OPCML: variants seen among roughly 807,000 people sequenced by gnomAD.
OPCML encodes opioid binding protein/cell adhesion molecule like.
A neutral mutation model predicts 37.8 loss-of-function variants in OPCML; 13 were observed. The ratio of observed to expected loss-of-function variants is 0.34; its 90% confidence interval spans 0.22 to 0.55. The LOEUF is 0.55. OPCML is among the 20% of genes least tolerant of loss of function. The pLI, the probability that OPCML is intolerant of heterozygous loss-of-function variation, is 0.91. For missense variants in OPCML, 341 were observed against 435.6 expected, an observed-to-expected ratio of 0.78 and a Z score of 1.93; for synonymous variants, 176 against 168.8, an observed-to-expected ratio of 1.04 and a Z score of -0.33.
intron 3 of OPCML, among the ~76,000 whole-genome samples, chr11:132,627,543 G>A (rs1295613388): frequency 2.6e-5 from 4 of 151,100 alleles, no homozygotes; most frequent in African/African-American, 9.8e-5. Flanking sequence ...ATGCTGAGAT[G>A]CAGTTGTGTT....
intron 1 of OPCML, among the ~76,000 whole-genome samples, chr11:133,273,105 G>T (rs564020831): frequency 2.7e-4 from 41 of 152,170 alleles, no homozygotes; most frequent in Non-Finnish European, 5.4e-4. Context: ...GCACCAGATA[G>T]CAGCCACCCA....
At chr11:133,287,561 A>G (rs987601485) in intron 1 of OPCML, among the ~76,000 whole-genome samples, 4 of 151,182 alleles carry the variant, frequency 2.6e-5, no homozygotes, top group Non-Finnish European at 5.9e-5. Flanking sequence ...AAAAAGACCA[A>G]CAAATAAACA....
chr11:132,737,028 T>TG (rs1207056415), intron 2 of OPCML, among the ~76,000 whole-genome samples: 1 of 152,216 alleles, frequency 6.6e-6, no homozygotes, highest in Non-Finnish European at 1.5e-5. Context: ...TTTTGTTCCT[T>TG]GGAGATGAAG....
intron 1 of OPCML, among the ~76,000 whole-genome samples, chr11:133,098,278 C>T (rs1299914103): frequency 1.3e-5 from 2 of 149,416 alleles, no homozygotes; most frequent in Non-Finnish European, 3.0e-5. Flanking sequence ...TGCAGTGGCA[C>T]GATCTTGGCT....
chr11:132,664,872 G>A (rs534092446), intron 2 of OPCML, among the ~76,000 whole-genome samples: 2 of 152,330 alleles, frequency 1.3e-5, no homozygotes, highest in South Asian at 4.1e-4. Context: ...TATTGGTTGA[G>A]AATGTATCTG....
chr11:133,469,355 G>A (rs1156916103), intron 1 of OPCML, among the ~76,000 whole-genome samples: 1 of 152,176 alleles, frequency 6.6e-6, no homozygotes, highest in East Asian at 1.9e-4. Flanking sequence ...GTGACATGCT[G>A]TGCAGCTGTG....
chr11:132,659,053 A>T (rs1293389860), intron 2 of OPCML, among the ~76,000 whole-genome samples: 1 of 152,210 alleles, frequency 6.6e-6, no homozygotes, highest in Non-Finnish European at 1.5e-5. Context: ...ATTCACCAGT[A>T]GGACCTGATA....
chr11:132,570,265 T>C (rs2096434206), intron 3 of OPCML, among the ~76,000 whole-genome samples: 1 of 152,314 alleles, frequency 6.6e-6, no homozygotes, highest in East Asian at 1.9e-4. Flanking sequence ...TGAATAGCTG[T>C]AGTAGAAGTC....
chr11:133,494,558 C>T (rs1947739099), intron 1 of OPCML, among the ~76,000 whole-genome samples: 1 of 146,042 alleles, frequency 6.8e-6, no homozygotes, highest in Admixed American at 6.8e-5. Flanking sequence ...ATGATGAGTT[C>T]ATGTCCTTTG....
chr11:132,436,599 C>A, intron 6 of OPCML, 60 bp downstream of exon 6: 4 of 1,598,758 alleles, frequency 2.5e-6, no homozygotes. Flanking sequence ...ATCCTTCTCC[C>A]ATGTGGGGAT....
At chr11:132,883,105 C>CGGA (rs761051162) in intron 2 of OPCML, among the ~76,000 whole-genome samples, 65 of 152,244 alleles carry the variant, frequency 4.3e-4, no homozygotes, top group Non-Finnish European at 3.7e-4. Flanking sequence ...AAGGTACTCC[C>CGGA]GGAAGGAAGA....
intron 1 of OPCML, among the ~76,000 whole-genome samples, chr11:133,160,576 T>C (rs1165089408): frequency 6.6e-6 from 1 of 152,252 alleles, no homozygotes; most frequent in African/African-American, 2.4e-5. Flanking sequence ...TCCTGCTACA[T>C]TGGCCTACCA....
intron 1 of OPCML, chr11:133,420,941 T>C (rs1189151147): frequency 1.0e-6 from 1 of 985,228 alleles, no homozygotes; most frequent in Non-Finnish European, 1.2e-6. Context: ...TAATTGGTCT[T>C]GAAAATGAGA....
intron 1 of OPCML, among the ~76,000 whole-genome samples, chr11:133,052,018 T>G (rs1230350633): frequency 6.6e-6 from 1 of 152,178 alleles, no homozygotes; most frequent in Non-Finnish European, 1.5e-5. Context: ...TTGTGGGGAT[T>G]TCAATTCTGG....
At chr11:132,718,409 T>C (rs1474001811) in intron 2 of OPCML, among the ~76,000 whole-genome samples, 3 of 152,136 alleles carry the variant, frequency 2.0e-5, no homozygotes, top group Admixed American at 6.5e-5. Context: ...CTTAAAACAC[T>C]GTAGGGGGTG....
At chr11:132,886,064 A>T (rs1591755199) in intron 2 of OPCML, among the ~76,000 whole-genome samples, 1 of 152,228 alleles carries the variant, frequency 6.6e-6, no homozygotes. Context: ...CATAATAAGT[A>T]TAGGGCTATC....
At chr11:132,750,822 C>A (rs1945805690) in intron 2 of OPCML, among the ~76,000 whole-genome samples, 1 of 150,398 alleles carries the variant, frequency 6.6e-6, no homozygotes, top group Non-Finnish European at 1.5e-5. Context: ...CAGAGTCTCA[C>A]TCTGTCGCCC....
At chr11:132,432,127 G>A (rs192400536) in intron 7 of OPCML, among the ~76,000 whole-genome samples, 1 of 152,308 alleles carries the variant, frequency 6.6e-6, no homozygotes, top group East Asian at 1.9e-4. Flanking sequence ...CCCAGCACAA[G>A]CACTGATAAG....
chr11:132,875,897 A>G (rs1457180281), intron 2 of OPCML, among the ~76,000 whole-genome samples: 1 of 152,222 alleles, frequency 6.6e-6, no homozygotes, highest in Non-Finnish European at 1.5e-5. Context: ...AGCATCAACA[A>G]CCATATCGAC....
Sources: gnomAD v4.1 joint callset for allele counts (sites outside exome capture counted in the v4.1 genomes callset) on GRCh38, gnomAD v4.1.1 for gene constraint, MANE v1.5 for transcripts, NCBI Gene and HGNC (gene_info 2026-07-23, HGNC 2026-07-21) for gene names.